The following TAAR1 variants were observed in gnomAD, a reference collection of about 807,000 sequenced individuals.
TAAR1 encodes the protein trace amine-associated receptor 1.
TAAR1 carries 1 observed loss-of-function variant against 1.2 expected under a neutral mutation model. The ratio of observed to expected loss-of-function variants is 0.81; its 90% CI spans 0.29 to 3.86. The LOEUF is 3.86. Among genes scored for constraint, TAAR1 ranks in the 30% most tolerant of loss-of-function variants. The pLI is 0.18. For missense variants in TAAR1, 445 were observed against 405.6 expected, an observed-to-expected ratio of 1.10 and a Z score of -0.83; for synonymous variants, 153 against 132.2, an observed-to-expected ratio of 1.16 and a Z score of -1.08.
chr6:132,652,294 T>G (rs1298238055), intron 1 of TAAR1, among the ~76,000 whole-genome samples: 1 of 140,454 alleles, frequency 7.1e-6, no homozygotes, highest in East Asian at 2.3e-4. Flanking sequence ...CTTCTGACTT[T>G]CAGATATTCT....
rs568795812 is a variant in TAAR1 at position 132,646,260 on chromosome 6, T to C, written c.-126-131A>G. ...TTTATTTCCAAGTTCCATTCAATAG[T>C]TCAGTACAGCAATTTTTAAAAAACT... On this transcript the variant is annotated intron_variant, in intron 1 of 1. Coordinates refer to ENST00000275216, the MANE Select transcript of TAAR1 (RefSeq NM_138327.4). 3.9e-5 allele frequency among the ~76,000 whole-genome samples: 6 copies of C among 152,300 alleles called. No homozygotes were observed. In the East Asian group the frequency reaches 7.7e-4, roughly 20 times the overall value.
chr6:132,651,210 C>T (rs924993863), intron 1 of TAAR1, among the ~76,000 whole-genome samples: 4 of 152,162 alleles, frequency 2.6e-5, no homozygotes, highest in African/African-American at 9.7e-5. Flanking sequence ...TGTTACGGTT[C>T]TTCTTCATCT....
chr6:132,654,885 T>C (rs1777786362), intron 1 of TAAR1, among the ~76,000 whole-genome samples: 1 of 152,184 alleles, frequency 6.6e-6, no homozygotes. Context: ...ATATAGTTGA[T>C]GAAAAGATAC....
At chr6:132,655,546 C>A (rs73775175) in intron 1 of TAAR1, among the ~76,000 whole-genome samples, 3,338 of 152,100 alleles carry the variant, frequency 0.022, 123 homozygotes, top group African/African-American at 0.076. Flanking sequence ...GGAGGTATTT[C>A]AAGTTGCCCA....
At position 132,645,496 on chromosome 6, in the gene TAAR1, CT is replaced by C. The variant is rs1562201923; in HGVS notation, c.507del (p.Glu170ArgfsTer24). ...CAGTGAACATGTTTGTAATATATCT[CT>C]TCAGCGCCTTTGAAGTTTAGCTCCA... ...IFLELNFKGAEEIYYKHVHCR... is the reference protein window; with the variant it reads ...IFLELNFKGAXEIYYKHVHCR... On this transcript the variant is annotated frameshift_variant, in exon 2 of 2. Transcript: ENST00000275216. LOFTEE classifies it low-confidence loss of function (END_TRUNC). 1 of 1,613,764 alleles carries C rather than the reference CT, an allele frequency of 6.2e-7. No individual in the cohort carries two copies.
chr6:132,654,299 C>T (rs1225850800), intron 1 of TAAR1, among the ~76,000 whole-genome samples: 2 of 152,204 alleles, frequency 1.3e-5, no homozygotes, highest in Admixed American at 6.5e-5. Flanking sequence ...GTCATGTGTT[C>T]GCATCAGTGT....
Position 132,644,912 on chromosome 6 carries a change from C to T in TAAR1, c.*72G>A. 8.0e-7 allele frequency: 1 copy of T among 1,245,194 alleles called. No homozygotes were observed. The highest frequency in any genetic ancestry group is 1.1e-6 in the Non-Finnish European group (1 of 919,318). The allele number at this position is 1,245,194 out of a possible 1,614,324, so 77.1% of individuals were successfully genotyped here. A position where few individuals can be genotyped will look rare whatever the true frequency, so the allele number is the denominator to read the frequency against. ...TAAAAAAAAATCCATGTGGTTGGTG[C>T]ATGTGGTTCGTTATGTTGTGTTCAT... On this transcript the variant is annotated 3_prime_UTR_variant, in exon 2 of 2. Coordinates refer to ENST00000275216, the MANE Select transcript of TAAR1 (RefSeq NM_138327.4).
chr6:132,648,892 C>T (rs1247495980), intron 1 of TAAR1, among the ~76,000 whole-genome samples: 2 of 152,074 alleles, frequency 1.3e-5, no homozygotes, highest in African/African-American at 4.8e-5. Context: ...GATTACCTAA[C>T]TAAGTAAACA....
rs561728176 is a variant in TAAR1 at position 132,645,997 on chromosome 6, G to T, written c.7C>A (p.Pro3Thr). 1.3e-6 allele frequency: 2 copies of T among 1,591,978 alleles called. No homozygotes were observed. Among genetic ancestry groups the T allele is most frequent in the Non-Finnish European group, 1.7e-6 (2 of 1,166,550 alleles). Residue 3 changes from proline to threonine, a missense_variant, in exon 2 of 2, where the codon CCC becomes ACC. Pro to Thr is a conservative substitution (Grantham distance 38). Coordinates refer to ENST00000275216, the MANE Select transcript of TAAR1 (RefSeq NM_138327.4). MM[P>T]FCHNIINISC... The stretch of plus-strand genomic sequence containing the variant: ...ATATTAATTATATTGTGGCAAAAGG[G>T]CATCATTCCTGAGGGCTGTCAATCA...
At chr6:132,647,981 T>C (rs2114277063) in intron 1 of TAAR1, among the ~76,000 whole-genome samples, 1 of 152,284 alleles carries the variant, frequency 6.6e-6, no homozygotes, top group Non-Finnish European at 1.5e-5. Context: ...AACATATTTA[T>C]ACCAAATAAA....
At position 132,645,474 on chromosome 6, in the gene TAAR1, T is replaced by C. The variant is rs768474190; in HGVS notation, c.530A>G (p.His177Arg). Residue 177 changes from histidine to arginine, a missense_variant, in exon 2 of 2, where the codon CAC becomes CGC. By Grantham distance (29) the His-to-Arg change is conservative (BLOSUM62 0). Transcript: ENST00000275216. The part of the protein sequence containing the change: ...GAEEIYYKHV[H>R]CRGGCSVFFS... ...GAAGACAGAGCAACCTCCTCTGCAGTGAACATGTTTGTAATATATCTCTTC... is the reference window on the plus strand; with the variant it reads ...GAAGACAGAGCAACCTCCTCTGCAGCGAACATGTTTGTAATATATCTCTTC... The C allele has an allele frequency of 6.2e-7, 1 of 1,613,738 alleles. No individual in the cohort carries two copies. Among genetic ancestry groups the C allele is most frequent in the East Asian group, 2.2e-5 (1 of 44,870 alleles).
At position 132,647,125 on chromosome 6, in the gene TAAR1, A is replaced by T. The variant is rs555797718; in HGVS notation, c.-126-996T>A. 6.6e-5 allele frequency among the ~76,000 whole-genome samples: 10 copies of T among 152,210 alleles called. No individual in the cohort carries two copies. The East Asian group carries it at 1.9e-3, about 29-fold the overall frequency. Reference sequence around the variant, plus strand: ...CTGAGTTTCCATGTGGGCCGTGGGCAAGGCACACAACCTTTTTAGTTTTTA... The same window carrying T: ...CTGAGTTTCCATGTGGGCCGTGGGCTAGGCACACAACCTTTTTAGTTTTTA... On this transcript the variant is annotated intron_variant, in intron 1 of 1. Transcript: ENST00000275216.
chr6:132,651,552 C>T (rs995922231), intron 1 of TAAR1, among the ~76,000 whole-genome samples: 17 of 152,158 alleles, frequency 1.1e-4, no homozygotes, highest in Admixed American at 1.1e-3. Flanking sequence ...AACAACATAT[C>T]CAATTCATCA....
At chr6:132,649,492 C>A (rs1777724328) in intron 1 of TAAR1, among the ~76,000 whole-genome samples, 1 of 152,108 alleles carries the variant, frequency 6.6e-6, no homozygotes, top group Non-Finnish European at 1.5e-5. Flanking sequence ...TGTATTAGTC[C>A]ATTCTCACAC....
Position 132,643,543 on chromosome 6 carries a change from A to G in TAAR1, c.*1441T>C, listed in dbSNP as rs1455746984. The stretch of plus-strand genomic sequence containing the variant: ...TTGAAACAAAATATATACTCCAGAA[A>G]CAGACTATAATTTCTGGAAGGATTT... On this transcript the variant is annotated 3_prime_UTR_variant, in exon 2 of 2. Transcript: ENST00000275216. Among the ~76,000 whole-genome samples, 2 of 152,024 alleles carry G rather than the reference A, an allele frequency of 1.3e-5. No individual in the cohort carries two copies. Among genetic ancestry groups the G allele is most frequent in the African/African-American group, 4.8e-5 (2 of 41,420 alleles).
rs1777669123 is a variant in TAAR1 at position 132,646,049 on chromosome 6, T to C, written c.-46A>G. On this transcript the variant is annotated 5_prime_UTR_variant, in exon 2 of 2. An upstream open reading frame in the 5' UTR loses its in-frame stop. Transcript: ENST00000275216. ...TTTACTTTTCCCTTTGTGTGTTGAT[T>C]TATCTTTTTCCCAAATCCATAATCA... is the stretch of plus-strand genomic sequence containing the variant. The C allele has an allele frequency of 1.3e-6, 2 of 1,520,580 alleles. No individual in the cohort carries two copies. Among genetic ancestry groups the C allele is most frequent in the South Asian group, 1.3e-5 (1 of 75,390 alleles). The allele number at this position is 1,520,580 out of a possible 1,614,324, so 94.2% of individuals were successfully genotyped here.
intron 1 of TAAR1, among the ~76,000 whole-genome samples, chr6:132,658,723 C>T (rs1428465241): frequency 1.3e-5 from 2 of 152,016 alleles, no homozygotes; most frequent in Non-Finnish European, 2.9e-5. Context: ...ATAAGGACTC[C>T]TTACATGATG....
At chr6:132,656,084 G>C (rs950636817) in intron 1 of TAAR1, among the ~76,000 whole-genome samples, 5 of 152,136 alleles carry the variant, frequency 3.3e-5, no homozygotes, top group Non-Finnish European at 7.3e-5. Context: ...TTCAAGTCCT[G>C]GCTGGGCCAT....
rs1054698404 is a variant in TAAR1, at chr6:132,645,048, A to G, written c.956T>C (p.Leu319Pro). ...PWFRKALKMM[L>P]FGKIFQKDSS... is the part of the protein sequence containing the mutation. ...ATCTTTTTGGAAAATTTTACCAAAC[A>G]GCATCATCTTCAGTGCTTTTCTAAA... Residue 319 changes from leucine to proline, a missense_variant, in exon 2 of 2, where the codon CTG becomes CCG. Coordinates refer to ENST00000275216, the MANE Select transcript of TAAR1 (RefSeq NM_138327.4). 1 of 1,595,042 alleles carries G rather than the reference A, an allele frequency of 6.3e-7. No homozygotes were observed. The highest frequency in any genetic ancestry group is 1.4e-5 in the African/African-American group (1 of 73,734).
Sources: gnomAD v4.1 joint callset for allele counts (sites outside exome capture counted in the v4.1 genomes callset) on GRCh38, gnomAD v4.1.1 for gene constraint, MANE v1.5 for transcripts, NCBI Gene and HGNC (gene_info 2026-07-23, HGNC 2026-07-21) for gene names.